ANKRD13B: variants seen among roughly 807,000 people sequenced by gnomAD.
ANKRD13B encodes ankyrin repeat domain-containing protein 13B.
Under a neutral mutation model 74.4 loss-of-function variants are expected in ANKRD13B, and 33 were observed. The ratio of observed to expected loss-of-function variants is 0.44; its 90% CI spans 0.34 to 0.59. The LOEUF (loss-of-function observed/expected upper bound fraction) is 0.59. Ranked by LOEUF, ANKRD13B falls within the 20% of genes least tolerant of loss-of-function variation. ANKRD13B has a pLI of 0.02. For synonymous variants in ANKRD13B, 341 were observed against 362.9 expected, an observed-to-expected ratio of 0.94 and a Z score of 0.68; for missense variants, 676 against 877.9, an observed-to-expected ratio of 0.77 and a Z score of 2.91.
At chr17:29,602,707 C>G (rs914416346) in intron 1 of ANKRD13B, among the ~76,000 whole-genome samples, 1 of 152,086 alleles carries the variant, frequency 6.6e-6, no homozygotes, top group African/African-American at 2.4e-5. Flanking sequence ...CTGCAAAGAC[C>G]CTTTTTTGAA....
At chr17:29,595,356 A>T (rs2150869267) in intron 1 of ANKRD13B, among the ~76,000 whole-genome samples, 1 of 152,312 alleles carries the variant, frequency 6.6e-6, no homozygotes, top group Middle Eastern at 3.4e-3. Flanking sequence ...GACAAGCCTC[A>T]TGTGGGAAGA....
rs766734204 is a variant in ANKRD13B at position 29,613,473 on chromosome 17, G to T, written c.1772G>T (p.Arg591Leu). Residue 591 changes from arginine to leucine, a missense_variant, in exon 15 of 15, where the codon CGG becomes CTG. Coordinates refer to ENST00000394859, the MANE Select transcript of ANKRD13B (RefSeq NM_152345.5). ...TTCCGGAGCTACGACGAGCAGCTGCGGCTGGCGATGGAACTGTCGGCGCAG... is the reference window on the plus strand; with the variant it reads ...TTCCGGAGCTACGACGAGCAGCTGCTGCTGGCGATGGAACTGTCGGCGCAG... ...HVFRSYDEQL[R>L]LAMELSAQEQ... The T allele has an allele frequency of 3.3e-6, 5 of 1,532,846 alleles. No homozygotes were observed. Among genetic ancestry groups the T allele is most frequent in the Non-Finnish European group, 3.5e-6 (4 of 1,141,814 alleles). 95.0% of individuals were successfully genotyped at this position (1,532,846 alleles called of 1,614,324 possible).
At chr17:29,610,123 C>G (rs569947329) in intron 7 of ANKRD13B, among the ~76,000 whole-genome samples, 1 of 146,288 alleles carries the variant, frequency 6.8e-6, no homozygotes, top group South Asian at 2.3e-4. Flanking sequence ...ACCTGGGAGG[C>G]GGAGCTTGCA....
chr17:29,613,316 G>A, intron 14 of ANKRD13B, 38 bp from the exon 15 acceptor site: 1 of 1,392,248 alleles, frequency 7.2e-7, no homozygotes, highest in Non-Finnish European at 9.2e-7. Context: ...GTGGGTGGGT[G>A]CGCCCGGGAG....
In ANKRD13B at chr17:29,599,937, C is replaced by G. The variant is rs952198014; in HGVS notation, c.114+6202C>G. 1.2e-4 allele frequency among the ~76,000 whole-genome samples: 14 copies of G among 120,472 alleles called. No homozygotes were observed. In the Admixed American group the frequency reaches 1.4e-3, roughly 12 times the overall value. 79.0% of individuals were successfully genotyped at this position (120,472 alleles called of 152,430 possible). A position where few individuals can be genotyped will look rare whatever the true frequency, so the allele number is the denominator to read the frequency against. On this transcript the variant is annotated intron_variant, in intron 1 of 14. Coordinates refer to ENST00000394859, the MANE Select transcript of ANKRD13B (RefSeq NM_152345.5). ...TGTCCCCCGCGCTAGAGTGCAGTGG[C>G]GCAATCTCGGCTCACTGCAAGCTCC...
chr17:29,598,119 C>T (rs1011387078), intron 1 of ANKRD13B, among the ~76,000 whole-genome samples: 30 of 152,200 alleles, frequency 2.0e-4, no homozygotes, highest in African/African-American at 6.0e-4. Flanking sequence ...TTGCAAGCCC[C>T]GGAGTCCAGC....
chr17:29,593,755 G>T lies in ANKRD13B; in HGVS notation c.114+20G>T, dbSNP rs1398929488. The T allele has an allele frequency of 7.4e-7, 1 of 1,358,876 alleles. No individual in the cohort carries two copies. The highest frequency in any genetic ancestry group is 1.5e-5 in the African/African-American group (1 of 65,136). 84.2% of individuals were successfully genotyped at this position (1,358,876 alleles called of 1,614,324 possible). A position where few individuals can be genotyped will look rare whatever the true frequency, so the allele number is the denominator to read the frequency against. ...GGCCAGGTAGGAGCGCCTTCGGGGC[G>T]CCGCGGGGACCCCGCGGCCGGGCAC... On this transcript the variant is annotated intron_variant, in intron 1 of 14. Coordinates refer to ENST00000394859, the MANE Select transcript of ANKRD13B (RefSeq NM_152345.5).
rs185722910 is a variant in ANKRD13B at position 29,610,057 on chromosome 17, T to G, written c.823-628T>G. Among the ~76,000 whole-genome samples, 21 of 152,134 alleles carry G rather than the reference T, an allele frequency of 1.4e-4. 1 individual carries two copies. In the East Asian group the frequency reaches 4.1e-3, roughly 29 times the overall value. Reference sequence around the variant, plus strand: ...AATACAAAAAATTAGCCGGGTGTGGTAGCAGGCGCCTGTAATCCCAGCTAC... The same window carrying G: ...AATACAAAAAATTAGCCGGGTGTGGGAGCAGGCGCCTGTAATCCCAGCTAC... On this transcript the variant is annotated intron_variant, in intron 7 of 14. Transcript: ENST00000394859.
At chr17:29,606,726 A>G (rs2034391714) in intron 1 of ANKRD13B, among the ~76,000 whole-genome samples, 2 of 89,412 alleles carry the variant, frequency 2.2e-5, no homozygotes, top group Non-Finnish European at 4.1e-5. Flanking sequence ...CCCTGTCTCA[A>G]GTAAAAAAAA....
In ANKRD13B at chr17:29,593,506, G is replaced by A. The variant is rs2033838873; in HGVS notation, c.-116G>A. The A allele has an allele frequency of 6.9e-6, 2 of 290,476 alleles. No individual in the cohort carries two copies. The highest frequency in any genetic ancestry group is 2.4e-4 in the South Asian group (2 of 8,302). The allele number at this position is 290,476 out of a possible 1,614,324, so 18.0% of individuals were successfully genotyped here. A position where few individuals can be genotyped will look rare whatever the true frequency, so the allele number is the denominator to read the frequency against. On this transcript the variant is annotated 5_prime_UTR_variant, in exon 1 of 15. Transcript: ENST00000394859. ...CCCGCCGCCGCTCGCACATGCCCGA[G>A]CCGCAGCCCCGCGAGCAGGCAGCGC... is the stretch of plus-strand genomic sequence containing the variant.
intron 1 of ANKRD13B, among the ~76,000 whole-genome samples, chr17:29,598,770 C>T (rs1306398663): frequency 1.3e-5 from 2 of 152,042 alleles, no homozygotes; most frequent in East Asian, 1.9e-4. Context: ...AGGCTGGTCT[C>T]GAACTCCTGA....
rs143781424 is a variant in ANKRD13B, at chr17:29,597,457, T to TA, written c.114+3723dup. Among the ~76,000 whole-genome samples, 560 of 151,706 alleles carry TA rather than the reference T, an allele frequency of 3.7e-3. 4 individuals are homozygous for TA. The highest frequency in any genetic ancestry group is 0.013 in the African/African-American group (521 of 41,312). On this transcript the variant is annotated intron_variant, in intron 1 of 14. Transcript: ENST00000394859. ...TGTGGTGTGTGTGCCTGAGTGGAGG[T>TA]AGGGAGGCTCTCTGCCCAGGGACCC...
rs1181463874 is a variant in ANKRD13B at position 29,608,778 on chromosome 17, C to T, written c.422-73C>T. 59 of 1,586,012 alleles carry T rather than the reference C, an allele frequency of 3.7e-5. No homozygotes were observed. The highest frequency in any genetic ancestry group is 5.0e-5 in the Non-Finnish European group (58 of 1,162,926). ...GTTCCTGGCCACACGGATCCCAAAC[C>T]CCATGCCCTGAGCTGGTCCAGGCCG... On this transcript the variant is annotated intron_variant, in intron 4 of 14. Coordinates refer to ENST00000394859, the MANE Select transcript of ANKRD13B (RefSeq NM_152345.5). The surrounding 1 kb of genome is among the most constrained non-coding windows in gnomAD (Gnocchi z 6.4).
chr17:29,595,563 G>T (rs935722384), intron 1 of ANKRD13B, among the ~76,000 whole-genome samples: 1 of 152,202 alleles, frequency 6.6e-6, no homozygotes, highest in East Asian at 1.9e-4. Context: ...CTGGGGTAAG[G>T]TTGGGGTGGG....
intron 1 of ANKRD13B, among the ~76,000 whole-genome samples, chr17:29,601,693 C>A (rs957093714): frequency 5.3e-5 from 8 of 151,102 alleles, no homozygotes; most frequent in East Asian, 1.9e-4. Flanking sequence ...ATATTTATTT[C>A]TTCTTCAGTT....
At position 29,614,288 on chromosome 17, in the gene ANKRD13B, GCCTGTGCAAGC is replaced by G. The variant is rs1464266006; in HGVS notation, c.*711_*721del. On this transcript the variant is annotated 3_prime_UTR_variant, in exon 15 of 15. Transcript: ENST00000394859. ...GGAGTGTGTCCAACGTAGCCCCCTGGCCTGTGCAAGCCCTGACTCCCTCATGGTGCCTCGGA... is the reference window on the plus strand; with the variant it reads ...GGAGTGTGTCCAACGTAGCCCCCTGGCCTGACTCCCTCATGGTGCCTCGGA... 1.3e-5 allele frequency: 2 copies of G among 150,678 alleles called. No homozygotes were observed. Among genetic ancestry groups the G allele is most frequent in the African/African-American group, 5.0e-5 (2 of 40,400 alleles). The allele number at this position is 150,678 out of a possible 1,614,324, so 9.3% of individuals were successfully genotyped here.
intron 14 of ANKRD13B, 22 bp from the exon 15 acceptor site, chr17:29,613,332 G>A: frequency 7.1e-7 from 1 of 1,413,150 alleles, no homozygotes; most frequent in Non-Finnish European, 9.1e-7. Context: ...GGGAGCCCGC[G>A]ACATTCCTTC....
At position 29,613,358 on chromosome 17, in the gene ANKRD13B, G is replaced by A. The variant is rs779850469; in HGVS notation, c.1657G>A (p.Ala553Thr). Reference sequence around the variant, plus strand: ...ACATTCCTTCCCCACCCCCAGGAGCGCCCCGCCCACGCCGCAGCGCCAGCC... The same window carrying A: ...ACATTCCTTCCCCACCCCCAGGAGCACCCCGCCCACGCCGCAGCGCCAGCC... ...SYEGRRQDRSAPPTPQRQPAP... is the reference protein window; with the variant it reads ...SYEGRRQDRSTPPTPQRQPAP... The change falls in exon 15 of 15, where the codon GCC (alanine) becomes ACC (threonine). Residue 553 changes from alanine (A) to threonine (T), a missense_variant. Around this residue, in one of 4 missense-constraint regions of ANKRD13B, gnomAD observed 152 missense variants for 181.4 expected, o/e 0.84. Transcript: ENST00000394859. 136 of 1,457,516 alleles carry A rather than the reference G, an allele frequency of 9.3e-5. No individual in the cohort carries two copies. The highest frequency in any genetic ancestry group is 1.1e-4 in the Non-Finnish European group (128 of 1,113,068). 90.3% of individuals were successfully genotyped at this position (1,457,516 alleles called of 1,614,324 possible). A position where few individuals can be genotyped will look rare whatever the true frequency, so the allele number is the denominator to read the frequency against.
chr17:29,607,395 T>C (rs979014506), intron 1 of ANKRD13B, among the ~76,000 whole-genome samples: 1 of 152,180 alleles, frequency 6.6e-6, no homozygotes, highest in Admixed American at 6.5e-5. Context: ...GCCACCCCAC[T>C]TCAGTCCCAG....
Sources: gnomAD v4.1 joint callset for allele counts (sites outside exome capture counted in the v4.1 genomes callset) on GRCh38, gnomAD v4.1.1 for gene constraint, gnomAD v4.1.1 regional missense constraint, Gnocchi (gnomAD v3.1) non-coding constraint, MANE v1.5 for transcripts, NCBI Gene and HGNC (gene_info 2026-07-23, HGNC 2026-07-21) for gene names.